The following MED27 variants were observed in gnomAD, a reference collection of about 807,000 sequenced individuals.
MED27 encodes mediator complex subunit 27.
A neutral mutation model predicts 38.2 loss-of-function variants in MED27; 30 were observed. The ratio of observed to expected loss-of-function variants is 0.79; its 90% CI spans 0.59 to 1.07. The LOEUF is 1.07. MED27 is among the 50% of genes least tolerant of loss of function. MED27 has a pLI of 0.00. For missense variants in MED27, 289 were observed against 397.5 expected (o/e 0.73, Z 2.32); for synonymous variants, 122 against 153.5 (o/e 0.79, Z 1.52).
At chr9:132,048,008 T>C (rs1357504417) in intron 2 of MED27, among the ~76,000 whole-genome samples, 2 of 152,190 alleles carry the variant, frequency 1.3e-5, no homozygotes, top group Non-Finnish European at 2.9e-5. Context: ...CTCAAGGTCA[T>C]TGCCAAGGTC....
At chr9:132,065,160 C>T (rs1393497892) in intron 2 of MED27, among the ~76,000 whole-genome samples, 1 of 152,210 alleles carries the variant, frequency 6.6e-6, no homozygotes, top group African/African-American at 2.4e-5. Context: ...TTTTCTCACA[C>T]GTTAATGCAT....
At chr9:132,062,843 G>A (rs1031036322) in intron 2 of MED27, among the ~76,000 whole-genome samples, 1 of 151,950 alleles carries the variant, frequency 6.6e-6, no homozygotes, top group Admixed American at 6.6e-5. Flanking sequence ...GATTGGTCTT[G>A]AACTCCTGGG....
chr9:131,949,455 G>A (rs1191741752), intron 3 of MED27, among the ~76,000 whole-genome samples: 1 of 152,130 alleles, frequency 6.6e-6, no homozygotes. Flanking sequence ...AAAAAAGAAG[G>A]CTAAGTGACT....
At chr9:131,986,054 CA>C (rs2131034242) in intron 3 of MED27, among the ~76,000 whole-genome samples, 1 of 152,052 alleles carries the variant, frequency 6.6e-6, no homozygotes, top group South Asian at 2.1e-4. Context: ...TACAGTTGTA[CA>C]ATGTATTTGT....
chr9:131,915,227 G>C (rs985572968), intron 4 of MED27, among the ~76,000 whole-genome samples: 2 of 152,226 alleles, frequency 1.3e-5, no homozygotes, highest in African/African-American at 4.8e-5. Flanking sequence ...AGAAGGGATA[G>C]CCAGTGAAGG....
At chr9:131,874,342 C>A (rs1259847693) in intron 6 of MED27, among the ~76,000 whole-genome samples, 1 of 152,174 alleles carries the variant, frequency 6.6e-6, no homozygotes, top group Non-Finnish European at 1.5e-5. Context: ...TGACCAGATG[C>A]CCCTGTCCCC....
At chr9:131,915,329 G>A (rs775642266) in intron 4 of MED27, among the ~76,000 whole-genome samples, 91 of 152,294 alleles carry the variant, frequency 6.0e-4, no homozygotes, top group Non-Finnish European at 1.1e-3. Context: ...ATTCCATTTG[G>A]CAAGTCTCAC....
intron 2 of MED27, among the ~76,000 whole-genome samples, chr9:132,042,811 C>T (rs1366339945): frequency 1.3e-5 from 2 of 152,140 alleles, no homozygotes; most frequent in Admixed American, 1.3e-4. Context: ...TTTTGAAAGG[C>T]TAGCCATCTT....
chr9:131,938,283 A>T (rs931992476), intron 4 of MED27, among the ~76,000 whole-genome samples: 25 of 152,218 alleles, frequency 1.6e-4, no homozygotes, highest in Non-Finnish European at 4.4e-5. Context: ...AAGCAGCAAC[A>T]GCAGAATAGA....
chr9:131,876,884 CT>C (rs1440796916), intron 6 of MED27, among the ~76,000 whole-genome samples: 1 of 152,234 alleles, frequency 6.6e-6, no homozygotes, highest in Non-Finnish European at 1.5e-5. Context: ...TCAGTTCTAT[CT>C]GTTTGGGACA....
chr9:131,957,992 C>G (rs1831139965), intron 3 of MED27, among the ~76,000 whole-genome samples: 1 of 151,570 alleles, frequency 6.6e-6, no homozygotes, highest in Admixed American at 6.6e-5. Flanking sequence ...TGGGAGGGGG[C>G]AGATGACTGG....
intron 3 of MED27, among the ~76,000 whole-genome samples, chr9:132,008,295 T>C (rs183426590): frequency 6.6e-6 from 1 of 152,326 alleles, no homozygotes; most frequent in East Asian, 1.9e-4. Flanking sequence ...ATCAATTAAA[T>C]AAGATATAGC....
intron 3 of MED27, among the ~76,000 whole-genome samples, chr9:131,961,737 G>A (rs888297802): frequency 6.6e-6 from 1 of 152,154 alleles, no homozygotes; most frequent in Non-Finnish European, 1.5e-5. Flanking sequence ...TCCCACTTAG[G>A]GTAGCACAGC....
chr9:131,899,412 G>A (rs920699596), intron 4 of MED27, among the ~76,000 whole-genome samples: 2 of 152,082 alleles, frequency 1.3e-5, no homozygotes, highest in Non-Finnish European at 2.9e-5. Flanking sequence ...ACCTCCTGGC[G>A]GTGGCCATTT....
At chr9:132,072,506 A>G (rs1833962381) in intron 2 of MED27, among the ~76,000 whole-genome samples, 4 of 151,944 alleles carry the variant, frequency 2.6e-5, no homozygotes, top group Non-Finnish European at 5.9e-5. Flanking sequence ...GCTGTATTTC[A>G]TTGTTTTCTC....
At chr9:132,054,279 C>T (rs1833527213) in intron 2 of MED27, among the ~76,000 whole-genome samples, 1 of 152,158 alleles carries the variant, frequency 6.6e-6, no homozygotes, top group African/African-American at 2.4e-5. Context: ...TCTCAGTGCT[C>T]CTGCTCTGAC....
At chr9:131,868,213 T>A (rs1012223489) in intron 6 of MED27, among the ~76,000 whole-genome samples, 1 of 152,212 alleles carries the variant, frequency 6.6e-6, no homozygotes, top group East Asian at 1.9e-4. Context: ...AAGAGCTTAT[T>A]ATGTGCCAAG....
Position 131,860,584 on chromosome 9 carries a change from C to G in MED27, c.890G>C (p.Arg297Thr), listed in dbSNP as rs1393579790. 1 of 1,597,554 alleles carries G rather than the reference C, an allele frequency of 6.3e-7. No homozygotes were observed. The highest frequency in any genetic ancestry group is 8.5e-7 in the Non-Finnish European group (1 of 1,172,202). ...FLQDGLPPTW[R>T]DFRTLEAFHD... ...GAAGGCTTCGAGGGTTCGGAAATCC[C>G]TCCATGTCGGGGGAAGGCCGTCCTG... The change falls in exon 8 of 8, where the codon AGG (arginine) becomes ACG (threonine). Residue 297 changes from arginine (R) to threonine (T), a missense_variant. Coordinates refer to ENST00000292035, the MANE Select transcript of MED27 (RefSeq NM_004269.4). The surrounding 1 kb of genome is among the most constrained non-coding windows in gnomAD (Gnocchi z 5.8).
Position 132,044,700 on chromosome 9 carries a change from C to A in MED27, c.349-30233G>T, listed in dbSNP as rs151025874. 3.3e-5 allele frequency among the ~76,000 whole-genome samples: 5 copies of A among 152,322 alleles called. No homozygotes were observed. In the East Asian group the frequency reaches 7.7e-4, roughly 23 times the overall value. Reference sequence around the variant, plus strand: ...ATCTGCTTCAGTGATCAAAAGCAGTCCACATTTTACCCTCAATGCCATGGC... The same window carrying A: ...ATCTGCTTCAGTGATCAAAAGCAGTACACATTTTACCCTCAATGCCATGGC... On this transcript the variant is annotated intron_variant, in intron 2 of 7. Coordinates refer to ENST00000292035, the MANE Select transcript of MED27 (RefSeq NM_004269.4).
Sources: gnomAD v4.1 joint callset for allele counts (sites outside exome capture counted in the v4.1 genomes callset) on GRCh38, gnomAD v4.1.1 for gene constraint, Gnocchi (gnomAD v3.1) non-coding constraint, MANE v1.5 for transcripts, NCBI Gene and HGNC (gene_info 2026-07-23, HGNC 2026-07-21) for gene names.